The following ISM1 variants were observed in gnomAD, a reference collection of about 807,000 sequenced individuals.
ISM1 encodes the protein isthmin-1.
A neutral mutation model predicts 46.3 loss-of-function variants in ISM1; 25 were observed. The observed-to-expected ratio is 0.54, with a 90% CI of 0.39 to 0.75. The LOEUF is 0.75. Ranked by LOEUF, ISM1 falls within the 30% of genes least tolerant of loss-of-function variation. The pLI, the probability that ISM1 is intolerant of heterozygous loss-of-function variation, is 0.00. For missense variants in ISM1, 536 were observed against 625.4 expected (o/e 0.86, Z 1.52); for synonymous variants, 255 against 256.7 (o/e 0.99, Z 0.06).
At chr20:13,285,735 T>G (rs6033657) in intron 3 of ISM1, among the ~76,000 whole-genome samples, 1 of 152,226 alleles carries the variant, frequency 6.6e-6, no homozygotes, top group Non-Finnish European at 1.5e-5. Flanking sequence ...ATTTTTCACA[T>G]AATCGGACAC....
chr20:13,279,608 AC>A (rs1156958968), intron 2 of ISM1, 25 bp from the exon 3 acceptor site: 4 of 1,600,344 alleles, frequency 2.5e-6, no homozygotes, highest in Non-Finnish European at 3.4e-6. Context: ...CTCCACACTG[AC>A]CCCAGCCTGT....
At chr20:13,313,487 A>G in the ISM1 span, among the ~76,000 whole-genome samples, 17 of 152,076 alleles carry the variant, frequency 1.1e-4, no homozygotes, top group Non-Finnish European at 2.1e-4. Context: ...CCTCACTTCC[A>G]TTTTCTGTAC....
chr20:13,268,310 T>TTTCTC lies in ISM1; in HGVS notation c.139-2181_139-2177dup, dbSNP rs1257960895. 2.7e-3 allele frequency among the ~76,000 whole-genome samples: 409 copies of TTTCTC among 150,670 alleles called. 3 individuals are homozygous for TTTCTC. The highest frequency in any genetic ancestry group is 9.3e-3 in the African/African-American group (377 of 40,750). Reference sequence around the variant, plus strand: ...CTTTCTTCTCTTCCTTCTCTTCTCTTTTCTCTTCTCTTCTCTTTCTCCTTC... The same window carrying TTTCTC: ...CTTTCTTCTCTTCCTTCTCTTCTCTTTTCTCTTCTCTTCTCTTCTCTTTCTCCTTC... On this transcript the variant is annotated intron_variant, in intron 1 of 5. Transcript: ENST00000262487.
intron 3 of ISM1, 100 bp downstream of exon 3, chr20:13,279,998 T>C: frequency 8.2e-7 from 1 of 1,222,706 alleles, no homozygotes; most frequent in Admixed American, 2.5e-5. Flanking sequence ...AGCATGTGGC[T>C]TTTGGTCTTC....
At chr20:13,326,114 G>A in the ISM1 span, among the ~76,000 whole-genome samples, 3 of 152,210 alleles carry the variant, frequency 2.0e-5, no homozygotes, top group Admixed American at 2.0e-4. Flanking sequence ...AGGCCTTTGA[G>A]ATTCATCCAA....
At chr20:13,270,404 A>C (rs1173512911) in intron 1 of ISM1, 100 bp from the exon 2 acceptor site, 1 of 1,341,616 alleles carries the variant, frequency 7.5e-7, no homozygotes, top group African/African-American at 1.5e-5. Context: ...AATTTCAGCC[A>C]CTGGAATTGT....
At chr20:13,321,254 A>T in the ISM1 span, among the ~76,000 whole-genome samples, 191 of 33,670 alleles carry the variant, frequency 5.7e-3, 1 homozygote, top group African/African-American at 0.027. Context: ...TGCCCCACAT[A>T]AAAAAAAAAA....
chr20:13,299,582 G>C lies in ISM1; in HGVS notation c.*123G>C. ...TCGTGTATATTTGTATATACCACAT[G>C]AGTATTTCTCATACATTACGCTAGG... On this transcript the variant is annotated 3_prime_UTR_variant, in exon 6 of 6. Transcript: ENST00000262487. The surrounding 1 kb of genome is among the most constrained non-coding windows in gnomAD (Gnocchi z 5.8). The C allele has an allele frequency of 1.1e-6, 1 of 935,040 alleles. No homozygotes were observed. Among genetic ancestry groups the C allele is most frequent in the Non-Finnish European group, 1.6e-6 (1 of 621,690 alleles). 57.9% of individuals were successfully genotyped at this position (935,040 alleles called of 1,614,324 possible). A position where few individuals can be genotyped will look rare whatever the true frequency, so the allele number is the denominator to read the frequency against.
intron 2 of ISM1, among the ~76,000 whole-genome samples, chr20:13,275,529 C>T (rs914293110): frequency 2.0e-5 from 3 of 152,194 alleles, no homozygotes; most frequent in African/African-American, 7.2e-5. Flanking sequence ...TCAGGCACCA[C>T]CATTTAGTCA....
chr20:13,302,492 A>G (rs1306959473), downstream of ISM1, among the ~76,000 whole-genome samples: 1 of 152,144 alleles, frequency 6.6e-6, no homozygotes, highest in East Asian at 1.9e-4. Context: ...CCCTTATCTC[A>G]TTCAACACAG....
chr20:13,314,293 T>C, the ISM1 span, among the ~76,000 whole-genome samples: 6 of 151,798 alleles, frequency 4.0e-5, no homozygotes, highest in Admixed American at 2.0e-4. Flanking sequence ...ATGAGTGGGA[T>C]AATGCCAAAA....
intron 1 of ISM1, among the ~76,000 whole-genome samples, chr20:13,229,936 T>TA (rs1473222926): frequency 6.6e-6 from 1 of 152,164 alleles, no homozygotes; most frequent in African/African-American, 2.4e-5. Flanking sequence ...AGAAAAGAGG[T>TA]AAACGCCACC....
intron 5 of ISM1, among the ~76,000 whole-genome samples, chr20:13,293,521 C>T (rs1437868262): frequency 1.3e-5 from 2 of 151,762 alleles, no homozygotes; most frequent in Non-Finnish European, 2.9e-5. Flanking sequence ...TTTTCATAGC[C>T]CTGCAATTTG....
chr20:13,279,974 A>G, intron 3 of ISM1, 76 bp downstream of exon 3: 1 of 1,400,884 alleles, frequency 7.1e-7, no homozygotes, highest in Non-Finnish European at 9.8e-7. Context: ...GGAGCCAAGC[A>G]AAACCCTGCT....
At chr20:13,313,242 T>C in the ISM1 span, among the ~76,000 whole-genome samples, 4 of 152,188 alleles carry the variant, frequency 2.6e-5, no homozygotes, top group East Asian at 7.7e-4. Context: ...ATCCTAACAA[T>C]TTCCCCCCAC....
chr20:13,318,122 T>C, the ISM1 span, among the ~76,000 whole-genome samples: 1 of 38,454 alleles, frequency 2.6e-5, no homozygotes, highest in East Asian at 6.5e-4. Flanking sequence ...TAAATGTTTC[T>C]GAGGACACTT....
intron 3 of ISM1, among the ~76,000 whole-genome samples, chr20:13,287,814 C>T (rs1285150959): frequency 6.6e-6 from 1 of 152,144 alleles, no homozygotes; most frequent in African/African-American, 2.4e-5. Context: ...TATTGCTACA[C>T]GTAACAAAAT....
chr20:13,311,151 G>A, the ISM1 span, among the ~76,000 whole-genome samples: 1 of 152,044 alleles, frequency 6.6e-6, no homozygotes, highest in Non-Finnish European at 1.5e-5. Flanking sequence ...CTGAGATCAT[G>A]CCATTGCACT....
At chr20:13,321,015 A>G in the ISM1 span, among the ~76,000 whole-genome samples, 5 of 152,114 alleles carry the variant, frequency 3.3e-5, no homozygotes, top group East Asian at 9.7e-4. Context: ...CCTGTCCAAC[A>G]TGGTGGAACC....
Sources: allele counts gnomAD v4.1 joint callset (sites outside exome capture counted in the v4.1 genomes callset), GRCh38; gene constraint gnomAD v4.1.1; non-coding constraint Gnocchi (gnomAD v3.1); transcripts MANE v1.5; gene names NCBI Gene and HGNC (gene_info 2026-07-23, HGNC 2026-07-21).